Variants in ACSL4 observed in about 807,000 individuals in gnomAD.
The protein encoded by ACSL4 is long-chain-fatty-acid--CoA ligase 4.
In ACSL4, 9 loss-of-function variants were observed where a neutral mutation model predicts 49.1. That is an observed-to-expected ratio of 0.18 (90% confidence interval 0.11 to 0.32). The LOEUF (loss-of-function observed/expected upper bound fraction) is 0.32. ACSL4 is among the 10% of genes least tolerant of loss of function. ACSL4 has a pLI of 1.00. For missense variants in ACSL4, 333 were observed against 493.7 expected (o/e 0.67, Z 3.08); for synonymous variants, 191 against 170.3 (o/e 1.12, Z -0.95).
intron 9 of ACSL4, among the ~76,000 whole-genome samples, chrX:109,672,079 T>TAAAAAAAAAAA (rs764711316): frequency 1.9e-4 from 7 of 37,370 alleles, no homozygotes; most frequent in Non-Finnish European, 2.3e-4. Context: ...CAATAAATAC[T>TAAAAAAAAAAA]AAAAAAAAAA....
intron 15 of ACSL4, among the ~76,000 whole-genome samples, chrX:109,644,912 G>A (rs751407185): frequency 4.0e-4 from 45 of 112,887 alleles, no homozygotes; most frequent in East Asian, 2.0e-3. Flanking sequence ...TCAAAGAAAC[G>A]GGTCACCTGG....
At position 109,696,206 on chromosome X, in the gene ACSL4, G is replaced by C. The variant is rs1488445767; in HGVS notation, c.-65-10C>G. On this transcript the variant is annotated splice_polypyrimidine_tract_variant and intron_variant, in intron 1 of 15. Transcript: ENST00000672401. ...CTTCTGTGATTTCAATCTGCAGTAA[G>C]AGACAGCATTTATGAGTACAGTGAC... is the stretch of plus-strand genomic sequence containing the variant. 8.9e-6 allele frequency: 1 copy of C among 112,364 alleles called. No homozygotes were observed. The highest frequency in any genetic ancestry group is 1.9e-5 in the Non-Finnish European group (1 of 53,281). 9.3% of individuals were successfully genotyped at this position (112,364 alleles called of 1,213,427 possible).
chrX:109,650,004 A>G (rs1226441975), intron 15 of ACSL4, among the ~76,000 whole-genome samples: 1 of 110,107 alleles, frequency 9.1e-6, no homozygotes, highest in African/African-American at 3.3e-5. Context: ...TTAGAATGGC[A>G]ATCATTAAAA....
At position 109,682,689 on chromosome X, in the gene ACSL4, C is replaced by T. The variant is rs772746512; in HGVS notation, c.406+30G>A. 21 of 1,205,374 alleles carry T rather than the reference C, an allele frequency of 1.7e-5. No homozygotes were observed. The South Asian group carries it at 2.6e-4, about 15-fold the overall frequency. On this transcript the variant is annotated intron_variant, in intron 4 of 15. Coordinates refer to ENST00000672401, the MANE Select transcript of ACSL4 (RefSeq NM_001318510.2). ...CTCACATGCAAGCAAAGACCCTCCT[C>T]TCCCCCCTCCAAAAACACAAGGCAC...
At chrX:109,646,560 C>T in intron 15 of ACSL4, among the ~76,000 whole-genome samples, 2 of 109,551 alleles carry the variant, frequency 1.8e-5, no homozygotes, top group East Asian at 5.7e-4. Flanking sequence ...CCAGCCACTG[C>T]AAAATCATGC....
At chrX:109,705,611 C>A (rs1299273666) in intron 1 of ACSL4, among the ~76,000 whole-genome samples, 1 of 112,439 alleles carries the variant, frequency 8.9e-6, no homozygotes, top group Non-Finnish European at 1.9e-5. Flanking sequence ...ACAAACCCAC[C>A]CATCCTTCAT....
intron 1 of ACSL4, among the ~76,000 whole-genome samples, chrX:109,704,831 A>T (rs1926231020): frequency 8.9e-6 from 1 of 111,797 alleles, no homozygotes; most frequent in Non-Finnish European, 1.9e-5. Context: ...AAGAAGTCCC[A>T]GAGATCTACT....
At chrX:109,676,249 A>T (rs1643448559) in intron 8 of ACSL4, among the ~76,000 whole-genome samples, 1 of 109,346 alleles carries the variant, frequency 9.1e-6, no homozygotes, top group Non-Finnish European at 1.9e-5. Flanking sequence ...TAAGTCATAT[A>T]TCAAAAAAAA....
chrX:109,677,811 G>T (rs751809587), intron 8 of ACSL4, among the ~76,000 whole-genome samples, 177 bp downstream of exon 8: 2 of 111,925 alleles, frequency 1.8e-5, no homozygotes, highest in African/African-American at 6.5e-5. Context: ...TATAGCTAAA[G>T]CAATGCTAAC....
chrX:109,679,937 T>C (rs1924032630), intron 6 of ACSL4, among the ~76,000 whole-genome samples: 1 of 111,752 alleles, frequency 8.9e-6, no homozygotes, highest in African/African-American at 3.3e-5. Flanking sequence ...CAATTCTCTA[T>C]GGGTCTCATG....
intron 8 of ACSL4, among the ~76,000 whole-genome samples, chrX:109,677,558 C>G (rs1049778117): frequency 9.1e-6 from 1 of 110,399 alleles, no homozygotes; most frequent in Non-Finnish European, 1.9e-5. Flanking sequence ...GCGGACAGAT[C>G]ACTGGAGGTC....
chrX:109,641,493 T>C lies in ACSL4; in HGVS notation c.*2536A>G, dbSNP rs1048451107. On this transcript the variant is annotated 3_prime_UTR_variant, in exon 16 of 16. Transcript: ENST00000672401. Reference sequence around the variant, plus strand: ...ATATGAATACATTATAATTTGTAACTGCATTTAAAAATTAAAATATTTCTC... The same window carrying C: ...ATATGAATACATTATAATTTGTAACCGCATTTAAAAATTAAAATATTTCTC... 8.8e-6 allele frequency: 1 copy of C among 113,149 alleles called. No individual in the cohort carries two copies. The highest frequency in any genetic ancestry group is 3.2e-5 in the African/African-American group (1 of 31,118). 9.3% of individuals were successfully genotyped at this position (113,149 alleles called of 1,213,427 possible). A position where few individuals can be genotyped will look rare whatever the true frequency, so the allele number is the denominator to read the frequency against.
At chrX:109,653,933 T>A (rs1423123164) in intron 15 of ACSL4, among the ~76,000 whole-genome samples, 1 of 109,320 alleles carries the variant, frequency 9.1e-6, no homozygotes, top group Non-Finnish European at 1.9e-5. Flanking sequence ...TGTGCACATG[T>A]ACCCTAAAAC....
intron 1 of ACSL4, among the ~76,000 whole-genome samples, chrX:109,724,639 T>A (rs1927822395): frequency 9.0e-6 from 1 of 111,140 alleles, no homozygotes; most frequent in African/African-American, 3.3e-5. Context: ...GGGCTAGGCG[T>A]GGTGGCTCAC....
chrX:109,732,381 T>C (rs1156614788), intron 1 of ACSL4, among the ~76,000 whole-genome samples: 1 of 111,470 alleles, frequency 9.0e-6, no homozygotes. Flanking sequence ...GGTTAGACAA[T>C]GAATCATATT....
intron 1 of ACSL4, among the ~76,000 whole-genome samples, chrX:109,724,861 G>A (rs768919665): frequency 9.1e-6 from 1 of 110,223 alleles, no homozygotes; most frequent in Non-Finnish European, 1.9e-5. Context: ...GTAGTGAGCC[G>A]AGATCATGCC....
Position 109,659,535 on chromosome X carries a change from G to GAATA in ACSL4, c.1698-25_1698-24insTATT. 4 of 1,110,451 alleles carry GAATA rather than the reference G, an allele frequency of 3.6e-6. No homozygotes were observed. The East Asian group carries it at 1.2e-4, about 33-fold the overall frequency. The allele number at this position is 1,110,451 out of a possible 1,213,427, so 91.5% of individuals were successfully genotyped here. On this transcript the variant is annotated intron_variant, in intron 14 of 15. Coordinates refer to ENST00000672401, the MANE Select transcript of ACSL4 (RefSeq NM_001318510.2). ...CACTAAAAAAACAGAAAATAAAATA[G>GAATA]AAATGAAAACATTGAGAAAAGTTAT... is the stretch of plus-strand genomic sequence containing the variant.
In ACSL4 at chrX:109,681,249, G is replaced by C; in HGVS notation, c.516+17C>G. 4 of 1,201,403 alleles carry C rather than the reference G, an allele frequency of 3.3e-6. No individual in the cohort carries two copies. Among genetic ancestry groups the C allele is most frequent in the Non-Finnish European group, 4.5e-6 (4 of 886,411 alleles). On this transcript the variant is annotated intron_variant, in intron 5 of 15. Coordinates refer to ENST00000672401, the MANE Select transcript of ACSL4 (RefSeq NM_001318510.2). ...CAGACAACGCAACCATGAATTAAAA[G>C]AAAATTTCATATTTACCTTAAGTTT... is the stretch of plus-strand genomic sequence containing the variant.
intron 1 of ACSL4, among the ~76,000 whole-genome samples, chrX:109,716,846 T>C (rs1336805672): frequency 8.9e-6 from 1 of 112,067 alleles, no homozygotes; most frequent in African/African-American, 3.2e-5. Context: ...GCCAAGAAAA[T>C]GGCTGTAATC....
Sources: allele counts gnomAD v4.1 joint callset (sites outside exome capture counted in the v4.1 genomes callset), GRCh38; gene constraint gnomAD v4.1.1; transcripts MANE v1.5; gene names NCBI Gene and HGNC (gene_info 2026-07-23, HGNC 2026-07-21).